ITSN1: variants seen among roughly 807,000 people sequenced by gnomAD.
ITSN1 encodes intersectin-1.
ITSN1 carries 58 observed loss-of-function variants against 239.8 expected under a neutral mutation model. The observed-to-expected ratio is 0.24, with a 90% confidence interval of 0.20 to 0.30. The LOEUF (loss-of-function observed/expected upper bound fraction) is 0.30. Ranked by LOEUF, ITSN1 falls within the 10% of genes least tolerant of loss-of-function variation. The pLI is 1.00. For missense variants in ITSN1, 1,558 were observed against 2,103.3 expected (o/e 0.74, Z 5.07); for synonymous variants, 780 against 770.8 (o/e 1.01, Z -0.20).
At chr21:33,855,155 G>C (rs187221248) in intron 29 of ITSN1, among the ~76,000 whole-genome samples, 295 of 152,328 alleles carry the variant, frequency 1.9e-3, no homozygotes, top group African/African-American at 6.5e-3. Context: ...ACTCCCTTGA[G>C]AGAAGATGGA....
At chr21:33,724,951 G>A (rs1408644103) in intron 4 of ITSN1, among the ~76,000 whole-genome samples, 2 of 151,816 alleles carry the variant, frequency 1.3e-5, no homozygotes, top group Admixed American at 6.6e-5. Flanking sequence ...ACCATGCCTG[G>A]CAAAGACAAC....
At chr21:33,798,122 G>GT (rs1217456296) in intron 18 of ITSN1, among the ~76,000 whole-genome samples, 1 of 151,916 alleles carries the variant, frequency 6.6e-6, no homozygotes, top group Non-Finnish European at 1.5e-5. Context: ...CTTTGAGACA[G>GT]TGTCTCACTC....
intron 1 of ITSN1, among the ~76,000 whole-genome samples, chr21:33,672,837 G>T (rs766674735): frequency 2.0e-5 from 3 of 151,846 alleles, no homozygotes; most frequent in Admixed American, 2.0e-4. Context: ...TCAGGCACCC[G>T]AGTAGCTGGG....
intron 39 of ITSN1, among the ~76,000 whole-genome samples, chr21:33,887,224 C>A (rs1985934127): frequency 6.6e-6 from 1 of 151,582 alleles, no homozygotes; most frequent in Non-Finnish European, 1.5e-5. Context: ...GAGGCTGAGG[C>A]AGGAGGATTG....
intron 16 of ITSN1, among the ~76,000 whole-genome samples, chr21:33,790,895 ACTT>A (rs977352867): frequency 3.3e-5 from 5 of 152,190 alleles, no homozygotes; most frequent in African/African-American, 7.2e-5. Flanking sequence ...TTAAAAGGAT[ACTT>A]CTTAATAACT....
intron 1 of ITSN1, among the ~76,000 whole-genome samples, chr21:33,648,202 C>G (rs1032428270): frequency 6.6e-6 from 1 of 152,150 alleles, no homozygotes; most frequent in Admixed American, 6.5e-5. Flanking sequence ...TATGGAAACT[C>G]AGAAATCTTG....
intron 29 of ITSN1, among the ~76,000 whole-genome samples, chr21:33,844,160 G>A (rs927677965): frequency 6.6e-5 from 10 of 152,148 alleles, no homozygotes; most frequent in Non-Finnish European, 8.8e-5. Context: ...CTGATAGCAG[G>A]AGGCCCACCG....
rs1323770740 is a variant in ITSN1 at position 33,890,165 on chromosome 21, A to G, written c.*1865A>G. 1.3e-5 allele frequency: 2 copies of G among 152,234 alleles called. No individual in the cohort carries two copies. Among genetic ancestry groups the G allele is most frequent in the Non-Finnish European group, 1.5e-5 (1 of 68,044 alleles). The allele number at this position is 152,234 out of a possible 1,614,324, so 9.4% of individuals were successfully genotyped here. ...AAGAAACTTTTAAATTAAATCTATA[A>G]ATAGACATGCAACTCATGCTTTCCT... On this transcript the variant is annotated 3_prime_UTR_variant, in exon 40 of 40. Coordinates refer to ENST00000381318, the MANE Select transcript of ITSN1 (RefSeq NM_003024.3).
rs755408910 is a variant in ITSN1 at position 33,755,284 on chromosome 21, C to G, written c.624-13C>G. 7.2e-6 allele frequency: 11 copies of G among 1,534,870 alleles called. No homozygotes were observed. The Admixed American group carries it at 1.9e-4, about 26-fold the overall frequency. ...GGATAATCCTCTTTCTCTCCTTTTT[C>G]TTTTCCCCACAGTGTCCCACCAGTG... On this transcript the variant is annotated splice_polypyrimidine_tract_variant and intron_variant, in intron 7 of 39. Coordinates refer to ENST00000381318, the MANE Select transcript of ITSN1 (RefSeq NM_003024.3).
intron 11 of ITSN1, among the ~76,000 whole-genome samples, 185 bp downstream of exon 11, chr21:33,768,013 TAAG>T (rs2068842320): frequency 6.6e-6 from 1 of 152,194 alleles, no homozygotes; most frequent in Admixed American, 6.5e-5. Context: ...GATAGAGAAA[TAAG>T]AACATTATGC....
intron 25 of ITSN1, among the ~76,000 whole-genome samples, chr21:33,824,188 C>T (rs1427212704): frequency 6.6e-6 from 1 of 152,196 alleles, no homozygotes; most frequent in Non-Finnish European, 1.5e-5. Flanking sequence ...TTGATCAGGA[C>T]TGAATTTAAG....
Position 33,890,773 on chromosome 21 carries a change from A to G in ITSN1, c.*2473A>G, listed in dbSNP as rs916775582. The G allele has an allele frequency of 6.6e-6, 1 of 152,180 alleles. No homozygotes were observed. The highest frequency in any genetic ancestry group is 2.4e-5 in the African/African-American group (1 of 41,452). The allele number at this position is 152,180 out of a possible 1,614,324, so 9.4% of individuals were successfully genotyped here. A position where few individuals can be genotyped will look rare whatever the true frequency, so the allele number is the denominator to read the frequency against. The stretch of plus-strand genomic sequence containing the variant: ...TCATAGAAATTAAATGCTCCTTGCC[A>G]ACAAGGAGTCTGTCTCCTAGCTCTT... On this transcript the variant is annotated 3_prime_UTR_variant, in exon 40 of 40. Transcript: ENST00000381318.
At position 33,839,686 on chromosome 21, in the gene ITSN1, A is replaced by T. The variant is rs1338708632; in HGVS notation, c.3661+3054A>T. Among the ~76,000 whole-genome samples the T allele has an allele frequency of 1.3e-5, 2 of 152,086 alleles. 1 individual carries two copies. Among genetic ancestry groups the T allele is most frequent in the Middle Eastern group, 6.3e-3 (2 of 316 alleles). ...GGTACTACTCCATAACACTCTACCT[A>T]ATTCACTCCAGATGCCCCACGCCCT... On this transcript the variant is annotated intron_variant, in intron 29 of 39. Transcript: ENST00000381318.
intron 20 of ITSN1, among the ~76,000 whole-genome samples, chr21:33,808,750 A>AT (rs2072667005): frequency 1.3e-5 from 2 of 152,222 alleles, no homozygotes; most frequent in South Asian, 4.1e-4. Flanking sequence ...CAACCAGTTA[A>AT]TAGATTGTAG....
chr21:33,732,597 C>G (rs1056031879), intron 4 of ITSN1, among the ~76,000 whole-genome samples: 1 of 151,936 alleles, frequency 6.6e-6, no homozygotes, highest in African/African-American at 2.4e-5. Flanking sequence ...GCAGTAAGAC[C>G]AATAAAAAAG....
At chr21:33,840,609 G>A (rs962145152) in intron 29 of ITSN1, among the ~76,000 whole-genome samples, 3 of 151,354 alleles carry the variant, frequency 2.0e-5, no homozygotes, top group African/African-American at 4.9e-5. Flanking sequence ...TGATCCACCC[G>A]CCTCAGCCTC....
intron 1 of ITSN1, among the ~76,000 whole-genome samples, chr21:33,686,297 A>T (rs1223615146): frequency 6.6e-6 from 1 of 152,182 alleles, no homozygotes. Flanking sequence ...GCCATATCAA[A>T]GCAAGGTGTT....
In ITSN1 at chr21:33,774,756, C is replaced by T; in HGVS notation, c.1333C>T (p.Arg445Ter). 1 of 1,613,470 alleles carries T rather than the reference C, an allele frequency of 6.2e-7. No individual in the cohort carries two copies. The highest frequency in any genetic ancestry group is 8.5e-7 in the Non-Finnish European group (1 of 1,179,844). ...TGCAAAACGGGAACTTGAAAGGCAACGACAACTTGAGTGGGAACGGAATCG... is the reference window on the plus strand; with the variant it reads ...TGCAAAACGGGAACTTGAAAGGCAATGACAACTTGAGTGGGAACGGAATCG... ...EAAKRELERQ[R>*]QLEWERNRRQ... Residue 445 changes from arginine to a stop codon, truncating the protein, a stop_gained, in exon 13 of 40, where the codon CGA becomes TGA. Transcript: ENST00000381318. LOFTEE classifies it high-confidence loss of function.
chr21:33,726,566 T>C (rs1444483922), intron 4 of ITSN1, among the ~76,000 whole-genome samples: 1 of 152,138 alleles, frequency 6.6e-6, no homozygotes, highest in Non-Finnish European at 1.5e-5. Context: ...TGCAGTGGCA[T>C]GATCATAGCT....
Sources: allele counts gnomAD v4.1 joint callset (sites outside exome capture counted in the v4.1 genomes callset), GRCh38; gene constraint gnomAD v4.1.1; transcripts MANE v1.5; gene names NCBI Gene and HGNC (gene_info 2026-07-23, HGNC 2026-07-21).